PRR5: variants seen among roughly 807,000 people sequenced by gnomAD.
The protein encoded by PRR5 is proline-rich protein 5.
Under a neutral mutation model 30.6 loss-of-function variants are expected in PRR5, and 25 were observed. The observed-to-expected ratio is 0.82, with a 90% confidence interval of 0.60 to 1.14. The LOEUF (loss-of-function observed/expected upper bound fraction) is 1.14, where lower values mean the gene tolerates loss of function less well. Among genes scored for constraint, PRR5 ranks in the 50% most tolerant of loss-of-function variants. The pLI, the probability that PRR5 is intolerant of heterozygous loss-of-function variation, is 0.00. For missense variants in PRR5, 600 were observed against 547.1 expected (o/e 1.10, Z -0.96); for synonymous variants, 286 against 247.1 (o/e 1.16, Z -1.48).
intron 1 of PRR5, among the ~76,000 whole-genome samples, chr22:44,671,322 C>T (rs1482747919): frequency 6.6e-6 from 1 of 152,198 alleles, no homozygotes; most frequent in Non-Finnish European, 1.5e-5. Flanking sequence ...GAGGTGGCTT[C>T]TTGGTGACAA....
Position 44,669,945 on chromosome 22 carries a change from C to T in PRR5, c.-11+1140C>T, listed in dbSNP as rs144802011. 9.3e-4 allele frequency among the ~76,000 whole-genome samples: 141 copies of T among 152,266 alleles called. 1 individual carries two copies. Among genetic ancestry groups the T allele is most frequent in the African/African-American group, 3.2e-3 (132 of 41,568 alleles). ...AGAATCCTGGGGGTAAGCTGGGGCTCTCCAAGTGAGGTCCTGGACCCCCAG... is the reference window on the plus strand; with the variant it reads ...AGAATCCTGGGGGTAAGCTGGGGCTTTCCAAGTGAGGTCCTGGACCCCCAG... On this transcript the variant is annotated intron_variant, in intron 1 of 8. Coordinates refer to the PRR5 transcript ENST00000432186.
upstream of PRR5, among the ~76,000 whole-genome samples, chr22:44,699,917 T>G (rs1926102608): frequency 9.7e-6 from 1 of 103,274 alleles, no homozygotes; most frequent in South Asian, 4.2e-4. Context: ...TTTTATATGT[T>G]TTTTGTTGTT....
upstream of PRR5, among the ~76,000 whole-genome samples, chr22:44,676,388 C>T (rs1242937723): frequency 1.9e-5 from 1 of 51,816 alleles, no homozygotes; most frequent in East Asian, 8.3e-4. Context: ...GAGACCCTGT[C>T]TCAAAAAAAA....
At chr22:44,716,404 C>T (rs1414601177) in intron 2 of PRR5, among the ~76,000 whole-genome samples, 2 of 152,224 alleles carry the variant, frequency 1.3e-5, no homozygotes, top group African/African-American at 2.4e-5. Context: ...CCTGTAGTGG[C>T]TCTTGCCCGT....
intron 6 of PRR5, among the ~76,000 whole-genome samples, chr22:44,732,927 C>T (rs114693657): frequency 4.9e-5 from 7 of 142,794 alleles, no homozygotes; most frequent in African/African-American, 7.5e-5. Context: ...CACGTGCGCA[C>T]GCACATACTA....
chr22:44,672,964 A>G (rs1923512640), upstream of PRR5, among the ~76,000 whole-genome samples: 1 of 152,248 alleles, frequency 6.6e-6, no homozygotes, highest in South Asian at 2.1e-4. Context: ...ATACTGCCAC[A>G]GAGCCTTGCC....
intron 4 of PRR5, 110 bp from the exon 5 acceptor site, chr22:44,731,620 G>T: frequency 9.2e-7 from 1 of 1,082,916 alleles, no homozygotes; most frequent in Admixed American, 1.9e-5. Context: ...GCTGCCAGGG[G>T]CCTGAGCCCA....
At chr22:44,725,332 T>C (rs1323419605) in intron 3 of PRR5, 40 bp downstream of exon 3, 3 of 1,610,028 alleles carry the variant, frequency 1.9e-6, no homozygotes, top group Non-Finnish European at 2.5e-6. Context: ...GCCTGCCTCA[T>C]GAGCCAGCCA....
intron 5 of PRR5, 136 bp from the exon 6 acceptor site, chr22:44,732,115 G>T (rs1246940230): frequency 3.6e-6 from 5 of 1,387,102 alleles, no homozygotes; most frequent in South Asian, 2.6e-5. Flanking sequence ...TTGGGACGGG[G>T]TCATCTGAGG....
intron 2 of PRR5, among the ~76,000 whole-genome samples, chr22:44,722,932 G>A (rs1930155438): frequency 6.6e-6 from 1 of 151,982 alleles, no homozygotes; most frequent in South Asian, 2.1e-4. Context: ...GAAACTGTGT[G>A]ATCCTAGTAA....
chr22:44,694,945 C>T (rs1360408884), intron 1 of PRR5, among the ~76,000 whole-genome samples: 1 of 152,080 alleles, frequency 6.6e-6, no homozygotes, highest in Non-Finnish European at 1.5e-5. Context: ...CTGAGACGGG[C>T]TGATCACTTG....
At chr22:44,723,215 C>A (rs1482509707) in intron 2 of PRR5, among the ~76,000 whole-genome samples, 3 of 151,908 alleles carry the variant, frequency 2.0e-5, no homozygotes, top group Admixed American at 1.3e-4. Flanking sequence ...AACTTTGGAC[C>A]TCAGGTGATC....
intron 1 of PRR5, among the ~76,000 whole-genome samples, chr22:44,679,129 T>A (rs1924033532): frequency 6.6e-6 from 1 of 152,100 alleles, no homozygotes; most frequent in South Asian, 2.1e-4. Context: ...CCTCAGGAGA[T>A]ACGTGCGGCC....
At chr22:44,708,161 C>G (rs143452554) in intron 1 of PRR5, among the ~76,000 whole-genome samples, 2,892 of 152,208 alleles carry the variant, frequency 0.019, 105 homozygotes, top group African/African-American at 0.067. Flanking sequence ...GAACACGCCA[C>G]TGCACTCCAG....
chr22:44,672,659 T>C (rs1923492254), upstream of PRR5, among the ~76,000 whole-genome samples: 1 of 152,230 alleles, frequency 6.6e-6, no homozygotes, highest in African/African-American at 2.4e-5. Context: ...ATTGCTGTCC[T>C]GAGTTCTGAC....
At chr22:44,694,731 G>T (rs1221863509) in intron 1 of PRR5, among the ~76,000 whole-genome samples, 1 of 152,152 alleles carries the variant, frequency 6.6e-6, no homozygotes, top group Non-Finnish European at 1.5e-5. Flanking sequence ...TGCCTGCCTT[G>T]GAGTGCTATG....
intron 1 of PRR5, among the ~76,000 whole-genome samples, chr22:44,690,316 G>A (rs1925132198): frequency 6.6e-6 from 1 of 152,134 alleles, no homozygotes; most frequent in Admixed American, 6.5e-5. Context: ...GTCTGATGGA[G>A]GAGACAAGCA....
chr22:44,668,982 C>G (rs142251316), intron 1 of PRR5, among the ~76,000 whole-genome samples: 5,198 of 151,000 alleles, frequency 0.034, 265 homozygotes, highest in African/African-American at 0.12. Context: ...CTGCGGGGCC[C>G]TAGGGTGGGG....
chr22:44,690,112 G>T (rs939710243), intron 1 of PRR5, among the ~76,000 whole-genome samples: 5 of 152,182 alleles, frequency 3.3e-5, no homozygotes, highest in African/African-American at 7.2e-5. Flanking sequence ...CAAGGAGGAT[G>T]TGGGAGGGGG....
Sources: allele counts gnomAD v4.1 joint callset (sites outside exome capture counted in the v4.1 genomes callset), GRCh38; gene constraint gnomAD v4.1.1; transcripts MANE v1.5; gene names NCBI Gene and HGNC (gene_info 2026-07-23, HGNC 2026-07-21).